DEFB123: variants seen among roughly 807,000 people sequenced by gnomAD.
DEFB123 encodes beta-defensin 123.
For synonymous variants in DEFB123, 22 were observed against 28.3 expected (o/e 0.78, Z 0.71); for missense variants, 71 against 75.0 (o/e 0.95, Z 0.20).
intron 1 of DEFB123, among the ~76,000 whole-genome samples, chr20:31,445,020 T>C (rs1979552944): frequency 6.6e-6 from 1 of 152,242 alleles, no homozygotes; most frequent in Non-Finnish European, 1.5e-5. Context: ...GGTTCCATCT[T>C]CATCCCTTTC....
chr20:31,440,808 T>G (rs776137655), intron 1 of DEFB123, 52 bp downstream of exon 1: 3 of 1,602,866 alleles, frequency 1.9e-6, no homozygotes, highest in African/African-American at 2.7e-5. Context: ...TAAGGCCTGG[T>G]CAGAGAATCC....
In DEFB123 at chr20:31,450,085, A is replaced by C; in HGVS notation, c.115A>C (p.Lys39Gln). The change falls in exon 2 of 2, where the codon AAG becomes CAG. Residue 39 changes from lysine to glutamine, a missense_variant. Coordinates refer to ENST00000376309, the MANE Select transcript of DEFB123 (RefSeq NM_153324.4). ...YGKCRYRCSK[K>Q]ERVYVYCINN... ...CAAATGCCGTTACAGATGCTCCAAG[A>C]AGGAAAGAGTCTATGTTTACTGCAT... The C allele has an allele frequency of 6.2e-7, 1 of 1,612,916 alleles. No individual in the cohort carries two copies. The highest frequency in any genetic ancestry group is 8.5e-7 in the Non-Finnish European group (1 of 1,179,502).
At chr20:31,445,476 CTTTA>C (rs1242696761) in intron 1 of DEFB123, among the ~76,000 whole-genome samples, 4 of 152,130 alleles carry the variant, frequency 2.6e-5, no homozygotes, top group African/African-American at 9.7e-5. Context: ...GATGATTTTT[CTTTA>C]TTTATGAATC....
At chr20:31,445,158 C>A (rs1397098871) in intron 1 of DEFB123, among the ~76,000 whole-genome samples, 1 of 152,170 alleles carries the variant, frequency 6.6e-6, no homozygotes, top group African/African-American at 2.4e-5. Flanking sequence ...GCATTTCCTG[C>A]AAATCAGCAC....
At position 31,443,243 on chromosome 20, in the gene DEFB123, C is replaced by T. The variant is rs1419355202; in HGVS notation, c.58+2487C>T. Among the ~76,000 whole-genome samples, 3 of 152,176 alleles carry T rather than the reference C, an allele frequency of 2.0e-5. No homozygotes were observed. The East Asian group carries it at 5.8e-4, about 29-fold the overall frequency. On this transcript the variant is annotated intron_variant, in intron 1 of 1. Coordinates refer to ENST00000376309, the MANE Select transcript of DEFB123 (RefSeq NM_153324.4). ...CTTCCATCTGGTCCCCAAGTTAAGG[C>T]TGTTCACACCCTCCCTTACTGCCTT...
intron 1 of DEFB123, among the ~76,000 whole-genome samples, chr20:31,443,571 G>A (rs1979516141): frequency 6.6e-6 from 1 of 152,346 alleles, no homozygotes; most frequent in South Asian, 2.1e-4. Context: ...TTCATAGCAA[G>A]AGACTCTCTT....
intron 1 of DEFB123, among the ~76,000 whole-genome samples, chr20:31,447,096 C>G (rs576142417): frequency 9.2e-5 from 14 of 152,090 alleles, no homozygotes; most frequent in African/African-American, 3.4e-4. Flanking sequence ...AACCCCGTCT[C>G]TACTAAAAAT....
intron 1 of DEFB123, among the ~76,000 whole-genome samples, chr20:31,443,076 C>T (rs1046794517): frequency 1.1e-4 from 16 of 151,014 alleles, no homozygotes; most frequent in South Asian, 4.1e-4. Flanking sequence ...TGTGCTGGAC[C>T]CTTACTGACT....
intron 1 of DEFB123, among the ~76,000 whole-genome samples, chr20:31,449,362 A>G (rs1979678260): frequency 6.6e-6 from 1 of 152,064 alleles, no homozygotes. Flanking sequence ...CTTTGTTAGG[A>G]TGGGTACAGG....
intron 1 of DEFB123, among the ~76,000 whole-genome samples, chr20:31,445,054 A>G (rs749901882): frequency 1.4e-4 from 22 of 152,206 alleles, no homozygotes; most frequent in African/African-American, 4.8e-4. Context: ...TTATCTGTTG[A>G]AAAAACATAA....
At chr20:31,445,013 T>C (rs1365515197) in intron 1 of DEFB123, among the ~76,000 whole-genome samples, 1 of 152,258 alleles carries the variant, frequency 6.6e-6, no homozygotes, top group Non-Finnish European at 1.5e-5. Context: ...ATTTACTGGT[T>C]CCATCTTCAT....
chr20:31,442,796 T>C (rs1196121212), intron 1 of DEFB123, among the ~76,000 whole-genome samples: 2 of 152,014 alleles, frequency 1.3e-5, no homozygotes, highest in East Asian at 3.9e-4. Flanking sequence ...TTTAGTAGGA[T>C]ACGGTTTGGC....
chr20:31,445,667 G>A (rs1028460455), intron 1 of DEFB123, among the ~76,000 whole-genome samples: 1 of 152,062 alleles, frequency 6.6e-6, no homozygotes, highest in Admixed American at 6.6e-5. Context: ...AGCCTCCCAA[G>A]TAGCTGGGAT....
intron 1 of DEFB123, 130 bp downstream of exon 1, chr20:31,440,886 C>T: frequency 9.4e-7 from 1 of 1,058,682 alleles, no homozygotes; most frequent in South Asian, 1.4e-5. Flanking sequence ...AGGCGCCTCA[C>T]CAGCAGCAGG....
At chr20:31,443,418 C>G (rs1191008004) in intron 1 of DEFB123, among the ~76,000 whole-genome samples, 1 of 152,186 alleles carries the variant, frequency 6.6e-6, no homozygotes, top group Non-Finnish European at 1.5e-5. Flanking sequence ...TTCTAATCCC[C>G]CTTCAGGTAG....
At position 31,450,164 on chromosome 20, in the gene DEFB123, G is replaced by A; in HGVS notation, c.194G>A (p.Trp65Ter). 6.2e-7 allele frequency: 1 copy of A among 1,603,682 alleles called. No homozygotes were observed. Among genetic ancestry groups the A allele is most frequent in the Non-Finnish European group, 8.5e-7 (1 of 1,176,452 alleles). ...AAGTACCAGCCAAAAGAAAGGTGGT[G>A]GCCATTTTAACTGCTTTGAAGCCTG... ...KPKYQPKERW[W>*]PF Residue 65 changes from tryptophan (W) to a stop codon, truncating the protein, a stop_gained, in exon 2 of 2, where the codon TGG becomes TAG. Coordinates refer to ENST00000376309, the MANE Select transcript of DEFB123 (RefSeq NM_153324.4). LOFTEE classifies it high-confidence loss of function.
In DEFB123 at chr20:31,450,130, G is replaced by C. The variant is rs142021847; in HGVS notation, c.160G>C (p.Val54Leu). 6.2e-7 allele frequency: 1 copy of C among 1,611,814 alleles called. No individual in the cohort carries two copies. Among genetic ancestry groups the C allele is most frequent in the Non-Finnish European group, 8.5e-7 (1 of 1,179,078 alleles). Reference protein sequence around the residue: ...VYCINNKMCCVKPKYQPKERW... With the variant: ...VYCINNKMCCLKPKYQPKERW... ...CTGCATAAATAATAAAATGTGCTGC[G>C]TGAAGCCCAAGTACCAGCCAAAAGA... The change falls in exon 2 of 2, where the codon GTG becomes CTG. Residue 54 changes from valine (V) to leucine (L), a missense_variant. Coordinates refer to ENST00000376309, the MANE Select transcript of DEFB123 (RefSeq NM_153324.4).
intron 1 of DEFB123, among the ~76,000 whole-genome samples, chr20:31,447,404 T>G (rs1231159755): frequency 6.6e-6 from 1 of 152,236 alleles, no homozygotes; most frequent in Non-Finnish European, 1.5e-5. Flanking sequence ...ACCATTTTCT[T>G]CTGCCTGAAT....
intron 1 of DEFB123, among the ~76,000 whole-genome samples, chr20:31,441,187 C>T (rs1391666614): frequency 6.6e-6 from 1 of 152,188 alleles, no homozygotes. Flanking sequence ...GCTAGGACCA[C>T]GGAGATAAAT....
Sources: allele counts gnomAD v4.1 joint callset (sites outside exome capture counted in the v4.1 genomes callset), GRCh38; gene constraint gnomAD v4.1.1; transcripts MANE v1.5; gene names NCBI Gene and HGNC (gene_info 2026-07-23, HGNC 2026-07-21).